Variants in UVRAG observed in about 807,000 individuals in gnomAD.
UVRAG encodes UV radiation resistance associated.
Under a neutral mutation model 78.0 loss-of-function variants are expected in UVRAG, and 19 were observed. That is an observed-to-expected ratio of 0.24 (90% CI 0.17 to 0.36). UVRAG has a LOEUF of 0.36. Ranked by LOEUF, UVRAG falls within the 10% of genes least tolerant of loss-of-function variation. UVRAG has a pLI of 1.00. For missense variants in UVRAG, 740 were observed against 853.8 expected (o/e 0.87, Z 1.66); for synonymous variants, 323 against 324.6 (o/e 1.00, Z 0.05).
intron 12 of UVRAG, among the ~76,000 whole-genome samples, chr11:76,042,648 T>C (rs568743830): frequency 6.6e-6 from 1 of 152,216 alleles, no homozygotes; most frequent in African/African-American, 2.4e-5. Flanking sequence ...CTGCTGGGAA[T>C]AGTTTTATGC....
intron 7 of UVRAG, among the ~76,000 whole-genome samples, chr11:75,966,661 G>A (rs1396319308): frequency 6.6e-6 from 1 of 152,070 alleles, no homozygotes; most frequent in African/African-American, 2.4e-5. Flanking sequence ...TCATATATTG[G>A]GTAATACTGC....
intron 1 of UVRAG, among the ~76,000 whole-genome samples, 199 bp downstream of exon 1, chr11:75,815,723 C>G (rs918678055): frequency 1.3e-5 from 2 of 152,096 alleles, no homozygotes; most frequent in African/African-American, 4.8e-5. Context: ...TCCCGGAGTC[C>G]TAGGAGAATC....
At chr11:75,829,904 A>G (rs752979524) in intron 1 of UVRAG, among the ~76,000 whole-genome samples, 8 of 152,246 alleles carry the variant, frequency 5.3e-5, no homozygotes, top group Non-Finnish European at 1.2e-4. Flanking sequence ...CAGTGGCACA[A>G]TCTCGGCTCA....
At chr11:76,064,649 T>C (rs1951154489) in intron 12 of UVRAG, among the ~76,000 whole-genome samples, 1 of 152,200 alleles carries the variant, frequency 6.6e-6, no homozygotes, top group African/African-American at 2.4e-5. Flanking sequence ...TTGGATACTA[T>C]ATAGCCAGCA....
chr11:75,893,222 C>T (rs1019211109), intron 5 of UVRAG, among the ~76,000 whole-genome samples: 1 of 150,182 alleles, frequency 6.7e-6, no homozygotes, highest in Non-Finnish European at 1.5e-5. Flanking sequence ...CTAAAACAAA[C>T]AAGAAACCAA....
chr11:76,103,115 A>G (rs533933369), intron 13 of UVRAG, among the ~76,000 whole-genome samples: 5 of 152,322 alleles, frequency 3.3e-5, no homozygotes, highest in South Asian at 4.1e-4. Flanking sequence ...ATAATGTCCC[A>G]TCAAGCCCTT....
At chr11:75,875,617 C>CTT (rs538320213) in intron 3 of UVRAG, among the ~76,000 whole-genome samples, 4 of 135,922 alleles carry the variant, frequency 2.9e-5, no homozygotes, top group East Asian at 4.3e-4. Context: ...GTTTTTAAAC[C>CTT]TTTTTTTTTT....
chr11:75,903,165 C>T (rs754132799), intron 5 of UVRAG, among the ~76,000 whole-genome samples: 13 of 151,516 alleles, frequency 8.6e-5, no homozygotes, highest in Non-Finnish European at 5.9e-5. Flanking sequence ...GGATTTTGAA[C>T]CCTCATTATG....
chr11:76,072,796 T>G (rs1591203645), intron 13 of UVRAG, among the ~76,000 whole-genome samples: 1 of 152,360 alleles, frequency 6.6e-6, no homozygotes, highest in African/African-American at 2.4e-5. Flanking sequence ...CTGAATAGTT[T>G]CACATGAGTG....
At chr11:75,881,930 G>T (rs571643775) in intron 4 of UVRAG, among the ~76,000 whole-genome samples, 1 of 152,244 alleles carries the variant, frequency 6.6e-6, no homozygotes, top group South Asian at 2.1e-4. Context: ...CACAGCTGGA[G>T]CTAAGATTTA....
At chr11:75,986,436 A>G (rs1449992622) in intron 8 of UVRAG, among the ~76,000 whole-genome samples, 1 of 152,114 alleles carries the variant, frequency 6.6e-6, no homozygotes, top group Admixed American at 6.5e-5. Flanking sequence ...AGCCTTATAG[A>G]CAGATTAGTA....
chr11:76,067,835 G>T (rs368784417), intron 13 of UVRAG, among the ~76,000 whole-genome samples: 2 of 152,070 alleles, frequency 1.3e-5, no homozygotes, highest in Non-Finnish European at 2.9e-5. Flanking sequence ...GATGTCAGCC[G>T]TGGTGGAAAG....
intron 1 of UVRAG, among the ~76,000 whole-genome samples, chr11:75,824,920 G>C (rs898257944): frequency 5.9e-5 from 9 of 152,076 alleles, no homozygotes; most frequent in African/African-American, 1.9e-4. Context: ...TGATACGCCT[G>C]CCTCGGCCTC....
intron 1 of UVRAG, among the ~76,000 whole-genome samples, chr11:75,841,590 A>C (rs1474256817): frequency 6.6e-6 from 1 of 152,218 alleles, no homozygotes; most frequent in Admixed American, 6.5e-5. Context: ...ACCACAATGT[A>C]AGAGTGTTAC....
chr11:76,084,663 C>G (rs1328780202), intron 13 of UVRAG, among the ~76,000 whole-genome samples: 1 of 151,734 alleles, frequency 6.6e-6, no homozygotes, highest in Non-Finnish European at 1.5e-5. Context: ...TTGGATATAC[C>G]AGCCAAAAAG....
At chr11:75,937,824 T>C (rs1948403051) in intron 6 of UVRAG, among the ~76,000 whole-genome samples, 3 of 152,190 alleles carry the variant, frequency 2.0e-5, no homozygotes, top group Admixed American at 2.0e-4. Context: ...AGTATTATTT[T>C]TTCTGTCTCC....
At chr11:76,122,226 A>G (rs558976997) in intron 14 of UVRAG, among the ~76,000 whole-genome samples, 8 of 152,306 alleles carry the variant, frequency 5.3e-5, no homozygotes, top group Admixed American at 1.3e-4. Flanking sequence ...GGTGTAGACA[A>G]ACCTTCACTA....
intron 5 of UVRAG, among the ~76,000 whole-genome samples, chr11:75,890,383 T>G (rs1311374962): frequency 1.3e-5 from 2 of 152,186 alleles, no homozygotes; most frequent in Non-Finnish European, 2.9e-5. Flanking sequence ...AAGATAGATT[T>G]AAGAAAGTTT....
intron 13 of UVRAG, among the ~76,000 whole-genome samples, chr11:76,068,745 A>G (rs928844065): frequency 6.6e-6 from 1 of 152,230 alleles, no homozygotes; most frequent in Non-Finnish European, 1.5e-5. Context: ...TTTGTAACAA[A>G]TGAAAGAACC....
Sources: gnomAD v4.1 joint callset for allele counts (sites outside exome capture counted in the v4.1 genomes callset) on GRCh38, gnomAD v4.1.1 for gene constraint, MANE v1.5 for transcripts, NCBI Gene and HGNC (gene_info 2026-07-23, HGNC 2026-07-21) for gene names.